Variants in DLG2 observed in about 807,000 individuals in gnomAD.
DLG2 encodes disks large homolog 2.
In DLG2, 45 loss-of-function variants were observed where a neutral mutation model predicts 132.5. The observed-to-expected ratio is 0.34, with a 90% CI of 0.27 to 0.44. DLG2 has a LOEUF of 0.44. DLG2 is among the 20% of genes least tolerant of loss of function. The pLI, the probability that DLG2 is intolerant of heterozygous loss-of-function variation, is 1.00. For missense variants in DLG2, 1,045 were observed against 1,196.9 expected (o/e 0.87, Z 1.87); for synonymous variants, 424 against 419.6 (o/e 1.01, Z -0.13).
intron 6 of DLG2, among the ~76,000 whole-genome samples, chr11:84,703,857 G>GATAGATATATATATATATATATAT: frequency 9.7e-6 from 1 of 102,694 alleles, no homozygotes; most frequent in South Asian, 3.5e-4. Flanking sequence ...ATGTAGTGAA[G>GATAGATATATATATATATATATAT]ATATATATAT....
At chr11:84,051,738 C>G (rs549075204) in intron 11 of DLG2, among the ~76,000 whole-genome samples, 2 of 150,648 alleles carry the variant, frequency 1.3e-5, no homozygotes, top group Admixed American at 1.3e-4. Context: ...CTAACCTGCA[C>G]GTTGTGCACA....
chr11:85,122,659 C>A (rs1350788857), intron 5 of DLG2, among the ~76,000 whole-genome samples: 1 of 151,904 alleles, frequency 6.6e-6, no homozygotes, highest in Non-Finnish European at 1.5e-5. Context: ...GATTCTGATT[C>A]AGTAGTTTCA....
At chr11:85,218,791 A>C (rs1203726719) in intron 4 of DLG2, among the ~76,000 whole-genome samples, 1 of 152,202 alleles carries the variant, frequency 6.6e-6, no homozygotes, top group Non-Finnish European at 1.5e-5. Flanking sequence ...CACTATTTAC[A>C]ATAGCAAAAA....
chr11:85,111,619 A>G, intron 6 of DLG2, 42 bp downstream of exon 6: 6 of 1,475,882 alleles, frequency 4.1e-6, no homozygotes, highest in Non-Finnish European at 5.5e-6. Flanking sequence ...ATATAAAAAC[A>G]TTTATCCTTC....
intron 6 of DLG2, among the ~76,000 whole-genome samples, chr11:84,683,432 A>G (rs2099735275): frequency 1.3e-5 from 2 of 152,320 alleles, no homozygotes; most frequent in South Asian, 4.1e-4. Context: ...ATTGGGAGAA[A>G]AGCTTAACAA....
intron 12 of DLG2, among the ~76,000 whole-genome samples, chr11:83,977,082 C>T (rs1317948279): frequency 6.6e-6 from 1 of 151,916 alleles, no homozygotes; most frequent in Non-Finnish European, 1.5e-5. Context: ...GGTTGTGCAG[C>T]GTTCACAATG....
intron 6 of DLG2, among the ~76,000 whole-genome samples, chr11:85,078,473 AAAAGGG>A (rs1303722063): frequency 6.6e-6 from 1 of 151,914 alleles, no homozygotes; most frequent in African/African-American, 2.4e-5. Flanking sequence ...GAAGTGAAGG[AAAAGGG>A]AAAGTAGTAA....
intron 7 of DLG2, among the ~76,000 whole-genome samples, chr11:84,309,535 GGAACA>G (rs2098266605): frequency 6.6e-6 from 1 of 152,180 alleles, no homozygotes; most frequent in South Asian, 2.1e-4. Flanking sequence ...TTTCTCCTTT[GGAACA>G]TGTACTAGGT....
chr11:84,799,606 A>T (rs1231526735), intron 6 of DLG2, among the ~76,000 whole-genome samples: 1 of 152,090 alleles, frequency 6.6e-6, no homozygotes, highest in Non-Finnish European at 1.5e-5. Flanking sequence ...CTTTCTCCAC[A>T]CTCAAGGCTT....
At chr11:85,150,010 ATTTTTTTTTTT>A (rs962380618) in intron 5 of DLG2, among the ~76,000 whole-genome samples, 2 of 112,310 alleles carry the variant, frequency 1.8e-5, no homozygotes, top group Admixed American at 9.1e-5. Context: ...TCAGTTTTTA[ATTTTTTTTTTT>A]TTTTTTTTTT....
chr11:84,525,758 TG>T lies in DLG2; in HGVS notation c.519+8811del, dbSNP rs551314717. Among the ~76,000 whole-genome samples, 3 of 152,324 alleles carry T rather than the reference TG, an allele frequency of 2.0e-5. No individual in the cohort carries two copies. In the South Asian group the frequency reaches 6.2e-4, roughly 32 times the overall value. On this transcript the variant is annotated intron_variant, in intron 7 of 27. Transcript: ENST00000376104. Reference sequence around the variant, plus strand: ...CATAAGGTCCTTCATTACCTGTTCATGCCCATCTCTCTTGCTTTATGGGATG... The same window carrying T: ...CATAAGGTCCTTCATTACCTGTTCATCCCATCTCTCTTGCTTTATGGGATG...
chr11:84,027,941 A>G (rs2095584064), intron 11 of DLG2, among the ~76,000 whole-genome samples: 1 of 152,082 alleles, frequency 6.6e-6, no homozygotes, highest in South Asian at 2.1e-4. Flanking sequence ...ACAGAAGGAC[A>G]ATTGACTGCC....
intron 6 of DLG2, among the ~76,000 whole-genome samples, chr11:84,855,142 G>A (rs1337900278): frequency 6.6e-6 from 1 of 151,956 alleles, no homozygotes. Flanking sequence ...GCTTCAACTG[G>A]CCAATCATGT....
Position 84,769,858 on chromosome 11 carries a change from T to C in DLG2, c.358-235127A>G, listed in dbSNP as rs964904099. On this transcript the variant is annotated intron_variant, in intron 6 of 27. Coordinates refer to ENST00000376104, the MANE Select transcript of DLG2 (RefSeq NM_001142699.3). The stretch of plus-strand genomic sequence containing the variant: ...AAATAAATTCCAACCAAGAATTTAA[T>C]ATCCTGCCCAACCAAGCTTCAAAAG... 2.6e-5 allele frequency among the ~76,000 whole-genome samples: 4 copies of C among 152,190 alleles called. No individual in the cohort carries two copies. In the East Asian group the frequency reaches 7.7e-4, roughly 29 times the overall value.
intron 7 of DLG2, among the ~76,000 whole-genome samples, chr11:84,527,165 G>A (rs2099323769): frequency 6.6e-6 from 1 of 152,102 alleles, no homozygotes; most frequent in Non-Finnish European, 1.5e-5. Flanking sequence ...ATAGAATAAG[G>A]CATATTTTAA....
intron 18 of DLG2, among the ~76,000 whole-genome samples, chr11:83,711,577 T>C (rs571754488): frequency 6.6e-6 from 1 of 152,214 alleles, no homozygotes; most frequent in Non-Finnish European, 1.5e-5. Flanking sequence ...CTGACTAATA[T>C]CTATGTGTGA....
At chr11:83,485,779 C>T (rs1183053633) in intron 21 of DLG2, among the ~76,000 whole-genome samples, 1 of 152,088 alleles carries the variant, frequency 6.6e-6, no homozygotes, top group Non-Finnish European at 1.5e-5. Flanking sequence ...CATACATTCC[C>T]ATATCAAATA....
intron 6 of DLG2, among the ~76,000 whole-genome samples, chr11:84,669,167 G>A (rs554629875): frequency 6.0e-4 from 92 of 152,116 alleles, no homozygotes; most frequent in Middle Eastern, 6.8e-3. Flanking sequence ...GGTGGTTGGG[G>A]GGAATAAAAG....
chr11:83,929,492 G>A (rs746724144), intron 15 of DLG2, among the ~76,000 whole-genome samples: 22 of 152,108 alleles, frequency 1.4e-4, no homozygotes, highest in Non-Finnish European at 2.9e-4. Flanking sequence ...GAAAAGAGGA[G>A]GTCTTTTTTG....
Sources: gnomAD v4.1 joint callset for allele counts (sites outside exome capture counted in the v4.1 genomes callset) on GRCh38, gnomAD v4.1.1 for gene constraint, MANE v1.5 for transcripts, NCBI Gene and HGNC (gene_info 2026-07-23, HGNC 2026-07-21) for gene names.